Variants in PPP3CA observed in about 807,000 individuals in gnomAD.
The protein encoded by PPP3CA is protein phosphatase 3 catalytic subunit alpha, also known as CAM-PRP catalytic subunit.
PPP3CA carries 14 observed loss-of-function variants against 66.5 expected under a neutral mutation model. The ratio of observed to expected loss-of-function variants is 0.21; its 90% CI spans 0.14 to 0.33. The LOEUF is 0.33. Among genes scored for constraint, PPP3CA ranks in the 10% least tolerant of loss-of-function variants. PPP3CA has a pLI of 1.00. For missense variants in PPP3CA, 317 were observed against 639.5 expected (o/e 0.50, Z 5.44); for synonymous variants, 232 against 226.2 (o/e 1.03, Z -0.23).
At chr4:101,236,220 G>A (rs1440027985) in intron 1 of PPP3CA, among the ~76,000 whole-genome samples, 1 of 151,924 alleles carries the variant, frequency 6.6e-6, no homozygotes, top group African/African-American at 2.4e-5. Context: ...TAAATAGTAC[G>A]ATAATATTGG....
intron 1 of PPP3CA, among the ~76,000 whole-genome samples, chr4:101,208,861 T>C (rs1164962745): frequency 6.6e-6 from 1 of 152,168 alleles, no homozygotes; most frequent in Non-Finnish European, 1.5e-5. Flanking sequence ...TGAAACAAAA[T>C]ATTCTTTGAT....
At chr4:101,226,292 C>T (rs1725780430) in intron 1 of PPP3CA, among the ~76,000 whole-genome samples, 1 of 151,654 alleles carries the variant, frequency 6.6e-6, no homozygotes, top group Admixed American at 6.6e-5. Context: ...TTTCTCCACC[C>T]TAGTTGTTGT....
At chr4:101,247,615 TTA>T (rs1726530245) in intron 1 of PPP3CA, among the ~76,000 whole-genome samples, 4 of 152,212 alleles carry the variant, frequency 2.6e-5, no homozygotes, top group African/African-American at 7.2e-5. Flanking sequence ...ATGCAGCTTA[TTA>T]TGTTTTCCCT....
intron 10 of PPP3CA, among the ~76,000 whole-genome samples, chr4:101,043,823 C>T (rs933283337): frequency 2.0e-5 from 3 of 151,776 alleles, no homozygotes; most frequent in Admixed American, 6.6e-5. Context: ...TGCGGTGAGC[C>T]GAGATTGTGC....
intron 3 of PPP3CA, among the ~76,000 whole-genome samples, chr4:101,106,415 A>G (rs1479632230): frequency 1.7e-4 from 2 of 11,510 alleles, no homozygotes; most frequent in Admixed American, 1.4e-3. Context: ...GAAAGAAAGA[A>G]AGAAAGAAAG....
intron 1 of PPP3CA, among the ~76,000 whole-genome samples, chr4:101,215,718 A>T (rs1161490205): frequency 6.6e-6 from 1 of 152,122 alleles, no homozygotes; most frequent in Non-Finnish European, 1.5e-5. Context: ...TCATCATGTA[A>T]GCATTTAAAA....
chr4:101,346,972 T>C lies in PPP3CA; in HGVS notation c.-176A>G. ...TTAAAGTTGCTGCCTTTTCCGCGCG[T>C]CCCTCCTCCGCCGCCGCCGCCTTCA... On this transcript the variant is annotated 5_prime_UTR_variant, in exon 1 of 14. Transcript: ENST00000394854. 1 of 662,246 alleles carries C rather than the reference T, an allele frequency of 1.5e-6. No homozygotes were observed. Among genetic ancestry groups the C allele is most frequent in the Non-Finnish European group, 2.5e-6 (1 of 396,718 alleles). The allele number at this position is 662,246 out of a possible 1,614,324, so 41.0% of individuals were successfully genotyped here. A position where few individuals can be genotyped will look rare whatever the true frequency, so the allele number is the denominator to read the frequency against.
At position 101,269,398 on chromosome 4, in the gene PPP3CA, C is replaced by A. The variant is rs193255056; in HGVS notation, c.59-73282G>T. Among the ~76,000 whole-genome samples, 362 of 152,132 alleles carry A rather than the reference C, an allele frequency of 2.4e-3. 2 individuals are homozygous for A. Among genetic ancestry groups the A allele is most frequent in the African/African-American group, 8.3e-3 (343 of 41,522 alleles). ...TTGAACACTATGGCCCCCAAACTAC[C>A]TTTTTAAATCTAATTCTCTCTGACT... On this transcript the variant is annotated intron_variant, in intron 1 of 13. Coordinates refer to ENST00000394854, the MANE Select transcript of PPP3CA (RefSeq NM_000944.5).
At chr4:101,101,659 T>G (rs557758207) in intron 3 of PPP3CA, among the ~76,000 whole-genome samples, 1 of 152,248 alleles carries the variant, frequency 6.6e-6, no homozygotes, top group East Asian at 1.9e-4. Flanking sequence ...AAGAGAGGTA[T>G]AATATATCCA....
At chr4:101,337,975 C>T (rs977976376) in intron 1 of PPP3CA, among the ~76,000 whole-genome samples, 19 of 152,174 alleles carry the variant, frequency 1.2e-4, no homozygotes, top group African/African-American at 4.3e-4. Flanking sequence ...TATCACCTAT[C>T]GGGGTGTACA....
intron 10 of PPP3CA, among the ~76,000 whole-genome samples, chr4:101,056,378 T>C (rs1340119177): frequency 6.6e-6 from 1 of 152,160 alleles, no homozygotes; most frequent in Non-Finnish European, 1.5e-5. Context: ...CTGCTGTCAC[T>C]AACATCATCA....
intron 2 of PPP3CA, among the ~76,000 whole-genome samples, chr4:101,165,417 A>G (rs537880161): frequency 6.8e-6 from 1 of 146,972 alleles, no homozygotes; most frequent in Admixed American, 7.1e-5. Context: ...TACCTGTACA[A>G]TCTTTAAGAC....
chr4:101,163,829 T>C lies in PPP3CA; in HGVS notation c.259+32087A>G, dbSNP rs150390353. The stretch of plus-strand genomic sequence containing the variant: ...AAGGGAATCAGAACAGAGTCCTACA[T>C]TTGGTTTGGTCTAGCTCCTCAGGCA... On this transcript the variant is annotated intron_variant, in intron 2 of 13. Transcript: ENST00000394854. Among the ~76,000 whole-genome samples the C allele has an allele frequency of 3.9e-3, 592 of 152,064 alleles. 9 individuals are homozygous for C. Among genetic ancestry groups the C allele is most frequent in the African/African-American group, 0.014 (565 of 41,480 alleles).
chr4:101,036,481 G>A (rs894178652), intron 11 of PPP3CA, among the ~76,000 whole-genome samples: 2 of 151,558 alleles, frequency 1.3e-5, no homozygotes, highest in African/African-American at 2.4e-5. Flanking sequence ...GCGCAATCTC[G>A]GCTCACTGCA....
chr4:101,123,798 A>G (rs994799269), intron 2 of PPP3CA, among the ~76,000 whole-genome samples: 23 of 152,338 alleles, frequency 1.5e-4, no homozygotes, highest in African/African-American at 5.3e-4. Context: ...GAAAGACTCT[A>G]TCTTGCTTCT....
At chr4:101,027,261 G>GGA (rs1260069820) in intron 13 of PPP3CA, among the ~76,000 whole-genome samples, 3 of 138,660 alleles carry the variant, frequency 2.2e-5, no homozygotes, top group Non-Finnish European at 3.1e-5. Flanking sequence ...TATTTGGGGG[G>GGA]GAAAAAAAAA....
At chr4:101,177,943 C>A (rs1195848985) in intron 2 of PPP3CA, among the ~76,000 whole-genome samples, 3 of 151,998 alleles carry the variant, frequency 2.0e-5, no homozygotes, top group Admixed American at 6.6e-5. Context: ...TATATCCATC[C>A]ATTTACAGAA....
rs372000197 is a variant in PPP3CA at position 101,148,665 on chromosome 4, G to A, written c.260-39587C>T. On this transcript the variant is annotated intron_variant, in intron 2 of 13. Coordinates refer to ENST00000394854, the MANE Select transcript of PPP3CA (RefSeq NM_000944.5). ...CTGGATTGCCACCTCTTTGGATTCC[G>A]ATAGTGCTTTAAGATCCCAAGAGAC... Among the ~76,000 whole-genome samples the A allele has an allele frequency of 2.8e-4, 43 of 152,196 alleles. 1 individual carries two copies. Among genetic ancestry groups the A allele is most frequent in the South Asian group, 2.1e-4 (1 of 4,830 alleles).
intron 1 of PPP3CA, among the ~76,000 whole-genome samples, chr4:101,243,432 G>A (rs1016283907): frequency 1.3e-5 from 2 of 152,014 alleles, no homozygotes; most frequent in Non-Finnish European, 2.9e-5. Context: ...CATATCTCTG[G>A]GTTCCACATC....
Sources: gnomAD v4.1 joint callset for allele counts (sites outside exome capture counted in the v4.1 genomes callset) on GRCh38, gnomAD v4.1.1 for gene constraint, MANE v1.5 for transcripts, NCBI Gene and HGNC (gene_info 2026-07-23, HGNC 2026-07-21) for gene names.